NRXN1: variants seen among roughly 807,000 people sequenced by gnomAD.
NRXN1 encodes the protein neurexin 1.
NRXN1 carries 39 observed loss-of-function variants against 150.9 expected under a neutral mutation model. That is an observed-to-expected ratio of 0.26 (90% CI 0.20 to 0.34). The LOEUF is 0.34. Among genes scored for constraint, NRXN1 ranks in the 10% least tolerant of loss-of-function variants. The probability of loss-of-function intolerance (pLI) is 1.00; values close to 1 mark genes in which losing one functional copy is unlikely to be tolerated. For synonymous variants in NRXN1, 924 were observed against 757.0 expected (o/e 1.22, Z -3.62); for missense variants, 1,815 against 1,949.9 (o/e 0.93, Z 1.30).
At chr2:50,846,143 A>G (rs549956270) in intron 5 of NRXN1, among the ~76,000 whole-genome samples, 2 of 152,352 alleles carry the variant, frequency 1.3e-5, no homozygotes, top group African/African-American at 4.8e-5. Context: ...TGATTTAGTC[A>G]GTAATTCCAT....
intron 18 of NRXN1, among the ~76,000 whole-genome samples, chr2:50,131,017 G>T (rs1705397540): frequency 1.3e-5 from 2 of 152,158 alleles, no homozygotes; most frequent in African/African-American, 4.8e-5. Flanking sequence ...ACCATATTAA[G>T]AAAAGCTTAT....
chr2:50,703,444 G>C (rs926011457), intron 5 of NRXN1, among the ~76,000 whole-genome samples: 4 of 152,104 alleles, frequency 2.6e-5, no homozygotes, highest in Admixed American at 2.6e-4. Context: ...ATTTCAGAAG[G>C]TGGTGGAGGG....
In NRXN1 at chr2:50,496,064, C is replaced by G. The variant is rs1421553779; in HGVS notation, c.2911G>C (p.Gly971Arg). The G allele has an allele frequency of 6.2e-7, 1 of 1,609,470 alleles. No homozygotes were observed. The highest frequency in any genetic ancestry group is 2.2e-5 in the East Asian group (1 of 44,770). Reference protein sequence around the residue: ...YLHYVFDLGNGANLIKGSSNK... With the variant: ...YLHYVFDLGNRANLIKGSSNK... Reference sequence around the variant, plus strand: ...GAGCTTCCTTTGATGAGGTTAGCACCATTTCCCAAATCAAACACGTAATGT... The same window carrying G: ...GAGCTTCCTTTGATGAGGTTAGCACGATTTCCCAAATCAAACACGTAATGT... Residue 971 changes from glycine (G) to arginine (R), a missense_variant, in exon 15 of 23, where the codon GGT becomes CGT. By Grantham distance (125) the Gly-to-Arg change is moderately radical (BLOSUM62 -2). This residue lies in a region of NRXN1 where 339 missense variants were observed against 440.3 expected (regional missense o/e 0.77). Transcript: ENST00000401669.
At chr2:49,926,389 C>T (rs983505229) in intron 22 of NRXN1, 1 of 398,406 alleles carries the variant, frequency 2.5e-6, no homozygotes. Flanking sequence ...TCTGCTTTGT[C>T]CCTGTAGATT....
intron 21 of NRXN1, among the ~76,000 whole-genome samples, chr2:50,010,011 A>G (rs577547431): frequency 6.6e-6 from 1 of 152,258 alleles, no homozygotes; most frequent in Non-Finnish European, 1.5e-5. Flanking sequence ...TCTCTTTACA[A>G]CAATCAATCA....
chr2:50,009,311 T>G (rs1685269249), intron 21 of NRXN1, among the ~76,000 whole-genome samples: 1 of 152,142 alleles, frequency 6.6e-6, no homozygotes, highest in African/African-American at 2.4e-5. Context: ...TAGAACGTTC[T>G]CACTAAATGC....
intron 17 of NRXN1, among the ~76,000 whole-genome samples, chr2:50,377,564 T>G (rs1381260115): frequency 1.3e-5 from 2 of 152,158 alleles, no homozygotes; most frequent in Non-Finnish European, 2.9e-5. Context: ...AAAATTAAAG[T>G]TGGGACTAGT....
At chr2:50,237,857 C>T (rs888033987) in intron 17 of NRXN1, among the ~76,000 whole-genome samples, 1 of 151,930 alleles carries the variant, frequency 6.6e-6, no homozygotes, top group East Asian at 1.9e-4. Flanking sequence ...GAGGGCAGGG[C>T]CTGGTGGAAG....
chr2:50,281,051 T>C (rs1157089248), intron 17 of NRXN1, among the ~76,000 whole-genome samples: 2 of 150,290 alleles, frequency 1.3e-5, no homozygotes, highest in Non-Finnish European at 2.9e-5. Flanking sequence ...ATGCCTGTAA[T>C]CCCAGCACTT....
intron 12 of NRXN1, among the ~76,000 whole-genome samples, chr2:50,516,304 C>T (rs2105083671): frequency 6.6e-6 from 1 of 152,282 alleles, no homozygotes; most frequent in South Asian, 2.1e-4. Flanking sequence ...AACACAAGCT[C>T]AGCATATGGC....
At chr2:50,112,180 T>C (rs1702461223) in intron 18 of NRXN1, among the ~76,000 whole-genome samples, 1 of 152,180 alleles carries the variant, frequency 6.6e-6, no homozygotes, top group Non-Finnish European at 1.5e-5. Flanking sequence ...AACCACCCCC[T>C]CCAGATCTCC....
At position 50,346,887 on chromosome 2, in the gene NRXN1, G is replaced by GCCGCCGCCC; in HGVS notation, c.3365-109918_3365-109917insGGGCGGCGG. The GCCGCCGCCC allele has an allele frequency of 1.5e-6, 2 of 1,308,972 alleles. No homozygotes were observed. Among genetic ancestry groups the GCCGCCGCCC allele is most frequent in the South Asian group, 4.8e-5 (2 of 41,892 alleles). The allele number at this position is 1,308,972 out of a possible 1,614,324, so 81.1% of individuals were successfully genotyped here. A position where few individuals can be genotyped will look rare whatever the true frequency, so the allele number is the denominator to read the frequency against. The stretch of plus-strand genomic sequence containing the variant: ...GCCCCCCTGCGCCGCCGCCGCCGCC[G>GCCGCCGCCC]CCGCCGCCGCCGCCCCCGGGCGAGC... On this transcript the variant is annotated intron_variant, in intron 17 of 22. Coordinates refer to ENST00000401669, the MANE Select transcript of NRXN1 (RefSeq NM_001330078.2). The surrounding 1 kb of genome is among the most constrained non-coding windows in gnomAD (Gnocchi z 5.0).
chr2:50,272,652 A>G (rs942449694), intron 17 of NRXN1, among the ~76,000 whole-genome samples: 1 of 152,152 alleles, frequency 6.6e-6, no homozygotes, highest in African/African-American at 2.4e-5. Context: ...TGGCATAAAT[A>G]AAATCCACTC....
intron 17 of NRXN1, among the ~76,000 whole-genome samples, chr2:50,439,107 T>C (rs897904278): frequency 2.0e-5 from 3 of 152,196 alleles, no homozygotes; most frequent in Admixed American, 6.5e-5. Flanking sequence ...TCGGTGGCTC[T>C]CTTGTCCTGC....
At chr2:50,076,680 T>C (rs1389460388) in intron 19 of NRXN1, among the ~76,000 whole-genome samples, 3 of 152,218 alleles carry the variant, frequency 2.0e-5, no homozygotes, top group African/African-American at 7.2e-5. Context: ...GGTTTGATCA[T>C]TTGATGTGTG....
intron 5 of NRXN1, among the ~76,000 whole-genome samples, chr2:50,697,664 G>T (rs1195884707): frequency 6.6e-6 from 1 of 152,152 alleles, no homozygotes; most frequent in African/African-American, 2.4e-5. Flanking sequence ...ATGTTTTGAA[G>T]ATGTGAATTA....
chr2:50,320,762 C>A (rs2075981279), intron 17 of NRXN1, among the ~76,000 whole-genome samples: 1 of 152,038 alleles, frequency 6.6e-6, no homozygotes, highest in Admixed American at 6.6e-5. Flanking sequence ...GGGGCTGATG[C>A]CAGTAGCTGC....
At chr2:50,512,685 C>T (rs1396833129) in intron 12 of NRXN1, among the ~76,000 whole-genome samples, 1 of 152,140 alleles carries the variant, frequency 6.6e-6, no homozygotes, top group African/African-American at 2.4e-5. Context: ...ACATGCATTA[C>T]CTAATTGTCT....
intron 5 of NRXN1, among the ~76,000 whole-genome samples, chr2:50,914,118 T>C (rs1684894496): frequency 6.6e-6 from 1 of 151,672 alleles, no homozygotes; most frequent in Non-Finnish European, 1.5e-5. Context: ...TTTCCTACCA[T>C]TGTAGTTCTT....
Sources: allele counts gnomAD v4.1 joint callset (sites outside exome capture counted in the v4.1 genomes callset), GRCh38; gene constraint gnomAD v4.1.1; regional missense constraint gnomAD v4.1.1; non-coding constraint Gnocchi (gnomAD v3.1); transcripts MANE v1.5; gene names NCBI Gene and HGNC (gene_info 2026-07-23, HGNC 2026-07-21).